MAML3: variants seen among roughly 807,000 people sequenced by gnomAD.
MAML3 encodes mastermind like transcriptional coactivator 3, also known as mastermind-like protein 3.
MAML3 carries 27 observed loss-of-function variants against 101.9 expected under a neutral mutation model. The observed-to-expected ratio is 0.27, with a 90% CI of 0.20 to 0.37. MAML3 has a LOEUF of 0.37. Ranked by LOEUF, MAML3 falls within the 10% of genes least tolerant of loss-of-function variation. The pLI is 1.00. For synonymous variants in MAML3, 501 were observed against 555.9 expected, an observed-to-expected ratio of 0.90 and a Z score of 1.39; for missense variants, 1,316 against 1,444.9, an observed-to-expected ratio of 0.91 and a Z score of 1.45.
chr4:139,909,836 CAAAA>C (rs11379402), intron 1 of MAML3, among the ~76,000 whole-genome samples: 46 of 58,730 alleles, frequency 7.8e-4, no homozygotes, highest in Middle Eastern at 0.02. Context: ...GATGCCGTCT[CAAAA>C]AAAAAAAAAA....
intron 1 of MAML3, among the ~76,000 whole-genome samples, chr4:139,937,992 T>A (rs1003632124): frequency 2.6e-5 from 4 of 152,158 alleles, no homozygotes; most frequent in Non-Finnish European, 4.4e-5. Context: ...TAACACTGAT[T>A]TAGTGGCTGT....
At chr4:139,937,406 T>C (rs1733528467) in intron 1 of MAML3, among the ~76,000 whole-genome samples, 1 of 151,894 alleles carries the variant, frequency 6.6e-6, no homozygotes, top group Admixed American at 6.6e-5. Flanking sequence ...TTTTTTTTTT[T>C]GAGATGGAGT....
intron 2 of MAML3, among the ~76,000 whole-genome samples, chr4:139,796,590 A>T (rs1268145323): frequency 6.6e-6 from 1 of 152,182 alleles, no homozygotes; most frequent in South Asian, 2.1e-4. Context: ...TAAGGGAATA[A>T]TCTAGTGATT....
intron 2 of MAML3, among the ~76,000 whole-genome samples, chr4:139,796,558 CT>C (rs1730513118): frequency 6.6e-6 from 1 of 152,132 alleles, no homozygotes; most frequent in African/African-American, 2.4e-5. Context: ...GGGTGTGAAC[CT>C]TGTGGCTCCA....
intron 1 of MAML3, among the ~76,000 whole-genome samples, chr4:139,957,366 C>T (rs1261198520): frequency 6.6e-6 from 1 of 152,176 alleles, no homozygotes; most frequent in Non-Finnish European, 1.5e-5. Flanking sequence ...CAAATCCAAC[C>T]AGGCTCTGCT....
At chr4:140,057,536 C>T (rs76305362) in intron 1 of MAML3, among the ~76,000 whole-genome samples, 118 of 152,230 alleles carry the variant, frequency 7.8e-4, no homozygotes, top group African/African-American at 2.5e-3. Flanking sequence ...TGAAGATTAT[C>T]GCTGAAGTAA....
intron 1 of MAML3, among the ~76,000 whole-genome samples, chr4:139,910,052 G>A (rs1327066343): frequency 6.6e-6 from 1 of 152,056 alleles, no homozygotes; most frequent in Non-Finnish European, 1.5e-5. Context: ...CAAGAAAGTA[G>A]GACAAAACAA....
intron 1 of MAML3, among the ~76,000 whole-genome samples, chr4:139,980,674 G>A (rs1241848548): frequency 6.6e-6 from 1 of 152,184 alleles, no homozygotes; most frequent in Admixed American, 6.5e-5. Flanking sequence ...TATCCACTGA[G>A]TGTCTGCTAT....
intron 1 of MAML3, among the ~76,000 whole-genome samples, chr4:140,024,992 A>C (rs1015504308): frequency 2.0e-5 from 3 of 152,194 alleles, no homozygotes; most frequent in Admixed American, 2.0e-4. Flanking sequence ...ACTCTTTCCT[A>C]AGAGTACTCG....
intron 2 of MAML3, among the ~76,000 whole-genome samples, chr4:139,744,136 C>T (rs1729251645): frequency 6.6e-6 from 1 of 152,188 alleles, no homozygotes; most frequent in African/African-American, 2.4e-5. Context: ...TACTCTGATT[C>T]ACCTTCTGCT....
At chr4:139,839,059 T>C (rs1191790116) in intron 2 of MAML3, among the ~76,000 whole-genome samples, 1 of 152,236 alleles carries the variant, frequency 6.6e-6, no homozygotes, top group Non-Finnish European at 1.5e-5. Context: ...AGCTTAAATG[T>C]CTTAAGAGAG....
chr4:140,108,235 T>C (rs1319546580), intron 1 of MAML3, among the ~76,000 whole-genome samples: 1 of 152,048 alleles, frequency 6.6e-6, no homozygotes, highest in Non-Finnish European at 1.5e-5. Flanking sequence ...CCCTTTCCTC[T>C]TCATCTACCT....
chr4:139,831,871 C>A (rs949780154), intron 2 of MAML3, among the ~76,000 whole-genome samples: 2 of 151,652 alleles, frequency 1.3e-5, no homozygotes, highest in African/African-American at 4.8e-5. Flanking sequence ...CAGCTCACTG[C>A]AACCTCCGCC....
At chr4:140,074,833 T>C (rs1727740742) in intron 1 of MAML3, among the ~76,000 whole-genome samples, 1 of 152,216 alleles carries the variant, frequency 6.6e-6, no homozygotes, top group South Asian at 2.1e-4. Context: ...TAGTTCAATG[T>C]ACACAAACTT....
chr4:140,141,999 A>C (rs930264743), intron 1 of MAML3, among the ~76,000 whole-genome samples: 1 of 152,254 alleles, frequency 6.6e-6, no homozygotes, highest in Non-Finnish European at 1.5e-5. Context: ...TTCATTACAG[A>C]AACATTTAAT....
At chr4:139,736,303 G>T (rs1379242226) in intron 2 of MAML3, among the ~76,000 whole-genome samples, 3 of 152,196 alleles carry the variant, frequency 2.0e-5, no homozygotes, top group African/African-American at 7.2e-5. Flanking sequence ...AGTTTTATTA[G>T]TAAGTTTGAG....
At chr4:139,756,122 C>T (rs185318080) in intron 2 of MAML3, among the ~76,000 whole-genome samples, 99 of 152,194 alleles carry the variant, frequency 6.5e-4, no homozygotes, top group African/African-American at 2.3e-3. Flanking sequence ...GAACATACTG[C>T]AGGAGTATAA....
chr4:140,147,321 G>T (rs1185942636), intron 1 of MAML3, among the ~76,000 whole-genome samples: 1 of 152,062 alleles, frequency 6.6e-6, no homozygotes, highest in Non-Finnish European at 1.5e-5. Context: ...TAGAAACTCA[G>T]TCTTTATTAT....
At position 139,719,945 on chromosome 4, in the gene MAML3, A is replaced by G; in HGVS notation, c.2795T>C (p.Met932Thr). The change falls in exon 5 of 5, where the codon ATG becomes ACG. Residue 932 changes from methionine (M) to threonine (T), a missense_variant. Physicochemically the swap from Met to Thr is moderately conservative, Grantham distance 81. Transcript: ENST00000509479. Reference sequence around the variant, plus strand: ...CAAGGCCTGGCCTACTGGCCCTTTCATCTGTGGATGTTGCTGGGTAATGGC... The same window carrying G: ...CAAGGCCTGGCCTACTGGCCCTTTCGTCTGTGGATGTTGCTGGGTAATGGC... Reference protein sequence around the residue: ...NSAITQQHPQMKGPVGQALPR... With the variant: ...NSAITQQHPQTKGPVGQALPR... 1 of 1,613,986 alleles carries G rather than the reference A, an allele frequency of 6.2e-7. No individual in the cohort carries two copies.
Sources: allele counts gnomAD v4.1 joint callset (sites outside exome capture counted in the v4.1 genomes callset), GRCh38; gene constraint gnomAD v4.1.1; transcripts MANE v1.5; gene names NCBI Gene and HGNC (gene_info 2026-07-23, HGNC 2026-07-21).